Variants in MARCHF1 observed in about 807,000 individuals in gnomAD.
MARCHF1 encodes membrane associated ring-CH-type finger 1, also known as E3 ubiquitin-protein ligase MARCHF1.
A neutral mutation model predicts 54.2 loss-of-function variants in MARCHF1; 40 were observed. The observed-to-expected ratio is 0.74, with a 90% confidence interval of 0.57 to 0.96. The LOEUF is 0.96. Among genes scored for constraint, MARCHF1 ranks in the 40% least tolerant of loss-of-function variants. The pLI is 0.00. For missense variants in MARCHF1, 586 were observed against 656.5 expected, an observed-to-expected ratio of 0.89 and a Z score of 1.17; for synonymous variants, 236 against 236.3, an observed-to-expected ratio of 1.00 and a Z score of 0.01.
chr4:163,918,218 T>C (rs185821736), intron 3 of MARCHF1, among the ~76,000 whole-genome samples: 22 of 152,280 alleles, frequency 1.4e-4, no homozygotes, highest in Admixed American at 1.2e-3. Flanking sequence ...TGTGATCTTA[T>C]TTCCGAGCTC....
chr4:163,806,386 C>T (rs1479682282), intron 4 of MARCHF1, among the ~76,000 whole-genome samples: 1 of 152,186 alleles, frequency 6.6e-6, no homozygotes, highest in Non-Finnish European at 1.5e-5. Flanking sequence ...GAAAGACTCT[C>T]ATCTCAGTGC....
At chr4:164,209,909 G>A (rs1731717108) in intron 1 of MARCHF1, among the ~76,000 whole-genome samples, 2 of 151,870 alleles carry the variant, frequency 1.3e-5, no homozygotes, top group South Asian at 4.2e-4. Context: ...ATTAAAAGAA[G>A]AAAAAAAATT....
chr4:164,154,696 G>C (rs759406880), intron 1 of MARCHF1, among the ~76,000 whole-genome samples: 14 of 152,218 alleles, frequency 9.2e-5, no homozygotes, highest in Non-Finnish European at 1.8e-4. Context: ...CAAAGCCCAA[G>C]TGGGTGTGTG....
chr4:164,198,475 T>A (rs1731345470), intron 1 of MARCHF1, among the ~76,000 whole-genome samples: 1 of 152,244 alleles, frequency 6.6e-6, no homozygotes, highest in African/African-American at 2.4e-5. Context: ...TGTGAATTAG[T>A]TCTTACACAA....
intron 1 of MARCHF1, among the ~76,000 whole-genome samples, chr4:164,206,527 T>A (rs974466349): frequency 5.3e-5 from 8 of 152,142 alleles, no homozygotes; most frequent in African/African-American, 1.7e-4. Context: ...GGGCCAAAGT[T>A]GTTCCAAAAA....
chr4:163,979,457 T>C (rs1752717508), intron 3 of MARCHF1, among the ~76,000 whole-genome samples: 2 of 144,990 alleles, frequency 1.4e-5, no homozygotes, highest in Non-Finnish European at 3.0e-5. Flanking sequence ...GTCTTTGCTA[T>C]TGTGAATAAT....
chr4:164,380,952 G>C (rs1274591125), intron 1 of MARCHF1, among the ~76,000 whole-genome samples: 1 of 152,234 alleles, frequency 6.6e-6, no homozygotes, highest in Non-Finnish European at 1.5e-5. Flanking sequence ...TTGCCTCAAG[G>C]TGGGTAAAGG....
chr4:163,610,176 A>T (rs981467085), intron 7 of MARCHF1, among the ~76,000 whole-genome samples: 7 of 151,948 alleles, frequency 4.6e-5, no homozygotes, highest in Non-Finnish European at 7.4e-5. Context: ...TCCTTTTCTT[A>T]CATTCTTCCT....
intron 2 of MARCHF1, among the ~76,000 whole-genome samples, chr4:164,025,999 C>G (rs1422195121): frequency 3.9e-5 from 6 of 152,022 alleles, no homozygotes; most frequent in African/African-American, 1.4e-4. Flanking sequence ...TGGAAAGACA[C>G]AGCCTCCCAA....
At chr4:163,722,666 T>G (rs1745512818) in intron 4 of MARCHF1, among the ~76,000 whole-genome samples, 1 of 152,202 alleles carries the variant, frequency 6.6e-6, no homozygotes, top group Non-Finnish European at 1.5e-5. Context: ...GGAGTCTAAA[T>G]CTCTTTGTAG....
chr4:163,780,018 G>T (rs905239169), intron 4 of MARCHF1, among the ~76,000 whole-genome samples: 5 of 152,160 alleles, frequency 3.3e-5, no homozygotes, highest in Non-Finnish European at 7.4e-5. Flanking sequence ...CCTAAGTCTG[G>T]GAATGAACTC....
chr4:164,243,892 C>A (rs1395090720), intron 1 of MARCHF1, among the ~76,000 whole-genome samples: 2 of 151,890 alleles, frequency 1.3e-5, no homozygotes, highest in South Asian at 2.1e-4. Context: ...GGGATCAATT[C>A]AACAAGAAGA....
At chr4:164,309,856 T>C (rs1734800679) in intron 1 of MARCHF1, among the ~76,000 whole-genome samples, 1 of 152,160 alleles carries the variant, frequency 6.6e-6, no homozygotes, top group African/African-American at 2.4e-5. Context: ...AATAACTTAA[T>C]ATTATGTCAG....
At chr4:163,942,519 C>T (rs1751933175) in intron 3 of MARCHF1, among the ~76,000 whole-genome samples, 1 of 152,158 alleles carries the variant, frequency 6.6e-6, no homozygotes, top group Admixed American at 6.5e-5. Context: ...ATTATATGGG[C>T]ACAGAGAGTC....
rs143771362 is a variant in MARCHF1 at position 163,863,260 on chromosome 4, G to T, written c.-38-9091C>A. Among the ~76,000 whole-genome samples the T allele has an allele frequency of 3.3e-3, 504 of 152,182 alleles. 6 individuals are homozygous for T. Among genetic ancestry groups the T allele is most frequent in the Middle Eastern group, 0.014 (4 of 294 alleles). On this transcript the variant is annotated intron_variant, in intron 3 of 9. Coordinates refer to ENST00000514618, the MANE Select transcript of MARCHF1 (RefSeq NM_001394959.1). ...ATTATAGAACCACCTCACTGAAGAT[G>T]GTGAGGGAAAATGTGCTGACCTAAG...
At chr4:164,070,945 C>T (rs1038828485) in intron 2 of MARCHF1, among the ~76,000 whole-genome samples, 4 of 152,266 alleles carry the variant, frequency 2.6e-5, no homozygotes, top group Middle Eastern at 3.4e-3. Flanking sequence ...TGAGATCTGA[C>T]GGGTTTATCA....
At chr4:164,029,350 C>T (rs1370676221) in intron 2 of MARCHF1, among the ~76,000 whole-genome samples, 1 of 151,858 alleles carries the variant, frequency 6.6e-6, no homozygotes, top group Non-Finnish European at 1.5e-5. Context: ...GAAGGTGCCA[C>T]ACAATTTTAA....
At chr4:163,813,839 C>T (rs951119073) in intron 4 of MARCHF1, among the ~76,000 whole-genome samples, 9 of 152,054 alleles carry the variant, frequency 5.9e-5, no homozygotes, top group Admixed American at 2.0e-4. Context: ...TCTGACATAA[C>T]GTAAAAGAGT....
chr4:163,737,148 C>T (rs184492243), intron 4 of MARCHF1, among the ~76,000 whole-genome samples: 23 of 139,010 alleles, frequency 1.7e-4, no homozygotes, highest in East Asian at 1.5e-3. Context: ...TATCAGCGCT[C>T]GCAGCTTTTT....
Sources: allele counts gnomAD v4.1 joint callset (sites outside exome capture counted in the v4.1 genomes callset), GRCh38; gene constraint gnomAD v4.1.1; transcripts MANE v1.5; gene names NCBI Gene and HGNC (gene_info 2026-07-23, HGNC 2026-07-21).